Variants in KDM4C observed in about 807,000 individuals in gnomAD.
KDM4C encodes the protein lysine-specific demethylase 4C.
Under a neutral mutation model 129.3 loss-of-function variants are expected in KDM4C, and 81 were observed. The observed-to-expected ratio is 0.63, with a 90% CI of 0.52 to 0.75. The LOEUF (loss-of-function observed/expected upper bound fraction) is 0.75. Ranked by LOEUF, KDM4C falls within the 30% of genes least tolerant of loss-of-function variation. The pLI is 0.00. For synonymous variants in KDM4C, 573 were observed against 456.1 expected (o/e 1.26, Z -3.26); for missense variants, 1,457 against 1,304.0 (o/e 1.12, Z -1.81).
chr9:7,092,218 T>G (rs1835890471), intron 17 of KDM4C, among the ~76,000 whole-genome samples: 1 of 152,174 alleles, frequency 6.6e-6, no homozygotes, highest in African/African-American at 2.4e-5. Context: ...ATTATTCCAT[T>G]AATCACCACA....
At chr9:7,127,215 C>T (rs1683378461) in intron 18 of KDM4C, among the ~76,000 whole-genome samples, 2 of 152,244 alleles carry the variant, frequency 1.3e-5, no homozygotes, top group Middle Eastern at 3.4e-3. Flanking sequence ...ACACTAATTC[C>T]AAACAGAGAT....
chr9:6,728,931 C>T (rs970072664), intron 1 of KDM4C, among the ~76,000 whole-genome samples: 5 of 151,648 alleles, frequency 3.3e-5, no homozygotes, highest in Non-Finnish European at 5.9e-5. Context: ...GAAGGCTGGG[C>T]GCGGTGGTTC....
intron 1 of KDM4C, among the ~76,000 whole-genome samples, chr9:6,779,046 T>TTTTTTTTTTTTTTG (rs71315563): frequency 1.4e-5 from 2 of 144,254 alleles, no homozygotes; most frequent in African/African-American, 2.6e-5. Flanking sequence ...TTTTTTTTTT[T>TTTTTTTTTTTTTTG]GAGATGGAGT....
chr9:6,889,255 G>T, intron 7 of KDM4C, among the ~76,000 whole-genome samples: 1 of 146,734 alleles, frequency 6.8e-6, no homozygotes, highest in East Asian at 2.0e-4. Flanking sequence ...GTGTGTGGGA[G>T]GGTGGGGGGG....
chr9:6,760,463 A>T (rs528406965), intron 1 of KDM4C, among the ~76,000 whole-genome samples: 67 of 150,426 alleles, frequency 4.5e-4, no homozygotes, highest in Non-Finnish European at 7.5e-4. Context: ...ATATATATAT[A>T]TAATGTAATT....
chr9:6,785,627 G>A lies in KDM4C; in HGVS notation c.-17-7345G>A, dbSNP rs569707704. Among the ~76,000 whole-genome samples the A allele has an allele frequency of 2.0e-5, 3 of 152,328 alleles. No homozygotes were observed. In the South Asian group the frequency reaches 6.2e-4, roughly 32 times the overall value. On this transcript the variant is annotated intron_variant, in intron 1 of 21. Transcript: ENST00000381309. ...GCTGGGATTACAGGCATGAGCCACT[G>A]CGCCTGGCTTCTTCTCTTCCTAAAA...
At chr9:7,024,761 C>T (rs1203768302) in intron 15 of KDM4C, among the ~76,000 whole-genome samples, 1 of 152,168 alleles carries the variant, frequency 6.6e-6, no homozygotes, top group African/African-American at 2.4e-5. Context: ...GATTCCAAGT[C>T]TTTGCTATTG....
At chr9:6,768,841 C>G (rs991653968) in intron 1 of KDM4C, among the ~76,000 whole-genome samples, 6 of 151,828 alleles carry the variant, frequency 4.0e-5, no homozygotes, top group Admixed American at 3.9e-4. Context: ...GATGCAATCT[C>G]TGCTCACTGC....
chr9:6,728,736 C>T (rs1000447470), intron 1 of KDM4C, among the ~76,000 whole-genome samples: 7 of 152,036 alleles, frequency 4.6e-5, no homozygotes, highest in Non-Finnish European at 8.8e-5. Context: ...ATCCCAGCTA[C>T]TCAGGAGGCT....
chr9:6,845,776 G>C (rs1455178459), intron 4 of KDM4C, among the ~76,000 whole-genome samples: 2 of 152,226 alleles, frequency 1.3e-5, no homozygotes, highest in Admixed American at 6.5e-5. Flanking sequence ...TCCATTGGAA[G>C]TCAGGTGAGT....
rs1223397493 is a variant in KDM4C, at chr9:7,013,897, A to G, written c.2078A>G (p.Tyr693Cys). 1 of 1,614,004 alleles carries G rather than the reference A, an allele frequency of 6.2e-7. No individual in the cohort carries two copies. The highest frequency in any genetic ancestry group is 8.5e-7 in the Non-Finnish European group (1 of 1,179,878). Residue 693 changes from tyrosine to cysteine, a missense_variant, in exon 14 of 22, where the codon TAT becomes TGT. Tyr to Cys is a radical substitution (Grantham distance 194). Transcript: ENST00000381309. ...KPLIPEMCFI[Y>C]SEENIEYSPP... ...CTCATACCAGAGATGTGTTTTATTT[A>G]TAGTGAAGAAAATATAGAATATTCT...
At chr9:6,819,908 A>C (rs756065944) in intron 4 of KDM4C, among the ~76,000 whole-genome samples, 19 of 151,974 alleles carry the variant, frequency 1.3e-4, no homozygotes, top group Non-Finnish European at 2.9e-5. Flanking sequence ...TCATGGCATT[A>C]TTTTGAAACG....
At chr9:6,805,896 C>G in intron 3 of KDM4C, 122 bp downstream of exon 3, 1 of 772,048 alleles carries the variant, frequency 1.3e-6, no homozygotes, top group Non-Finnish European at 2.0e-6. Flanking sequence ...ATTTTTCACC[C>G]TTCATTGAAC....
At chr9:7,067,258 C>T (rs765621435) in intron 17 of KDM4C, among the ~76,000 whole-genome samples, 21 of 152,192 alleles carry the variant, frequency 1.4e-4, no homozygotes, top group Non-Finnish European at 2.9e-4. Flanking sequence ...CTTTTAGCCT[C>T]AGGCTGATAT....
rs564721869 is a variant in KDM4C at position 7,077,115 on chromosome 9, G to A, written c.2425-26570G>A. ...TTCTATCTGGGTGATATATGCTATC[G>A]AAACAGATGTGGACACTGGGCTGAC... On this transcript the variant is annotated intron_variant, in intron 17 of 21. Coordinates refer to ENST00000381309, the MANE Select transcript of KDM4C (RefSeq NM_015061.6). The A allele has an allele frequency of 4.2e-5, 41 of 985,184 alleles. 1 individual carries two copies. The highest frequency in any genetic ancestry group is 6.2e-5 in the Admixed American group (1 of 16,234). The allele number at this position is 985,184 out of a possible 1,614,324, so 61.0% of individuals were successfully genotyped here.
chr9:7,037,906 A>C (rs751004346), intron 15 of KDM4C, among the ~76,000 whole-genome samples: 1 of 152,090 alleles, frequency 6.6e-6, no homozygotes, highest in Non-Finnish European at 1.5e-5. Flanking sequence ...TGTAATAGTG[A>C]ATCATTTTAT....
chr9:7,025,170 T>G (rs917791013), intron 15 of KDM4C, among the ~76,000 whole-genome samples: 2 of 152,240 alleles, frequency 1.3e-5, no homozygotes, highest in Non-Finnish European at 2.9e-5. Flanking sequence ...CTGATACAAG[T>G]GTAGCTACTC....
intron 1 of KDM4C, among the ~76,000 whole-genome samples, chr9:6,770,226 AAAG>A (rs1563964518): frequency 6.6e-6 from 1 of 152,046 alleles, no homozygotes; most frequent in African/African-American, 2.4e-5. Context: ...AAAAAAAAAA[AAAG>A]AACCCCGTGT....
intron 15 of KDM4C, among the ~76,000 whole-genome samples, chr9:7,030,465 T>C (rs1826541402): frequency 6.6e-6 from 1 of 152,184 alleles, no homozygotes. Context: ...CTGTGGATTC[T>C]GGGTGATGAT....
Sources: gnomAD v4.1 joint callset for allele counts (sites outside exome capture counted in the v4.1 genomes callset) on GRCh38, gnomAD v4.1.1 for gene constraint, MANE v1.5 for transcripts, NCBI Gene and HGNC (gene_info 2026-07-23, HGNC 2026-07-21) for gene names.